PIGY: variants seen among roughly 807,000 people sequenced by gnomAD.
PIGY encodes the protein phosphatidylinositol N-acetylglucosaminyltransferase subunit Y.
A neutral mutation model predicts 4.1 loss-of-function variants in PIGY; 3 were observed. The observed-to-expected ratio is 0.73, with a 90% CI of 0.33 to 1.89. PIGY has a LOEUF of 1.89. Among genes scored for constraint, PIGY ranks in the 40% most tolerant of loss-of-function variants. The pLI is 0.08. For missense variants in PIGY, 78 were observed against 80.3 expected, an observed-to-expected ratio of 0.97 and a Z score of 0.11; for synonymous variants, 33 against 31.4, an observed-to-expected ratio of 1.05 and a Z score of -0.18.
rs1742474530 is a variant in PIGY, at chr4:88,523,721, G to C, written c.-464C>G. On this transcript the variant is annotated 5_prime_UTR_variant, in exon 1 of 2. Transcript: ENST00000527353. ...AGCATGGTCTGGCAGCCGGAGACCA[G>C]GCCTCACCGCAGCCTCGCCACCCGT... is the stretch of plus-strand genomic sequence containing the variant. 1 of 1,429,288 alleles carries C rather than the reference G, an allele frequency of 7.0e-7. No individual in the cohort carries two copies. The highest frequency in any genetic ancestry group is 2.9e-5 in the Admixed American group (1 of 34,870). The allele number at this position is 1,429,288 out of a possible 1,614,324, so 88.5% of individuals were successfully genotyped here.
Position 88,523,550 on chromosome 4 carries a change from C to A in PIGY, c.-293G>T. 5 of 1,551,120 alleles carry A rather than the reference C, an allele frequency of 3.2e-6. No homozygotes were observed. The highest frequency in any genetic ancestry group is 4.4e-6 in the Non-Finnish European group (5 of 1,146,876). ...ACCAGGAACTCCAGCAGCGCCGGAT[C>A]GAAGTCGCGGGGCGGCTCCTCAGTC... On this transcript the variant is annotated 5_prime_UTR_variant, in exon 1 of 2. Coordinates refer to ENST00000527353, the MANE Select transcript of PIGY (RefSeq NM_001042616.3).
At chr4:88,523,361 G>A (rs376458664) in intron 1 of PIGY, 137 bp downstream of exon 1, 5 of 909,702 alleles carry the variant, frequency 5.5e-6, no homozygotes, top group Non-Finnish European at 8.4e-6. Flanking sequence ...CGCCCGGCGA[G>A]GACAGAGTCC....
In PIGY at chr4:88,523,586, G is replaced by C. The variant is rs3210572; in HGVS notation, c.-329C>G. On this transcript the variant is annotated 5_prime_UTR_variant, in exon 1 of 2. Transcript: ENST00000527353. The stretch of plus-strand genomic sequence containing the variant: ...GGCGGCTCCTCAGTCTTCTTGCCCC[G>C]GTCGGCCAAAGGCCGCGACCCCGAC... The C allele has an allele frequency of 1.4e-3, 2,120 of 1,549,978 alleles. 1 individual carries two copies. Among genetic ancestry groups the C allele is most frequent in the Non-Finnish European group, 1.7e-3 (1,979 of 1,146,806 alleles).
At chr4:88,523,435 G>T in intron 1 of PIGY, 63 bp downstream of exon 1, 1 of 1,521,720 alleles carries the variant, frequency 6.6e-7, no homozygotes, top group Non-Finnish European at 8.9e-7. Context: ...AGAGGCCGCG[G>T]TCCACCGCTC....
Position 88,521,267 on chromosome 4 carries a change from A to G in PIGY, c.*307T>C. 3.7e-6 allele frequency: 1 copy of G among 267,694 alleles called. No homozygotes were observed. Among genetic ancestry groups the G allele is most frequent in the East Asian group, 7.2e-5 (1 of 13,794 alleles). 16.6% of individuals were successfully genotyped at this position (267,694 alleles called of 1,614,324 possible). A position where few individuals can be genotyped will look rare whatever the true frequency, so the allele number is the denominator to read the frequency against. Reference sequence around the variant, plus strand: ...AACAAACAAGCAAAACAAAATTTCAATGACTCTTAGATGAATGGAATAAGA... The same window carrying G: ...AACAAACAAGCAAAACAAAATTTCAGTGACTCTTAGATGAATGGAATAAGA... On this transcript the variant is annotated 3_prime_UTR_variant, in exon 2 of 2. Transcript: ENST00000527353.
chr4:88,523,685 G>A lies in PIGY; in HGVS notation c.-428C>T. On this transcript the variant is annotated 5_prime_UTR_variant, in exon 1 of 2. It adds an upstream start codon to the 5' untranslated region. Coordinates refer to ENST00000527353, the MANE Select transcript of PIGY (RefSeq NM_001042616.3). ...CGCAGCGCTGAGGCGAGCCTGCAGC[G>A]TGCTCCACTCAGCATGGTCTGGCAG... The A allele has an allele frequency of 6.6e-7, 1 of 1,509,794 alleles. No individual in the cohort carries two copies. The allele number at this position is 1,509,794 out of a possible 1,614,324, so 93.5% of individuals were successfully genotyped here. A position where few individuals can be genotyped will look rare whatever the true frequency, so the allele number is the denominator to read the frequency against.
At chr4:88,523,404 T>C in intron 1 of PIGY, 94 bp downstream of exon 1, 1 of 1,322,742 alleles carries the variant, frequency 7.6e-7, no homozygotes, top group South Asian at 1.3e-5. Context: ...CTGACCGACC[T>C]ACAAGGCCCC....
At position 88,521,680 on chromosome 4, in the gene PIGY, G is replaced by C. The variant is rs765959502; in HGVS notation, c.110C>G (p.Thr37Arg). ...CAGGCTGTAAAAGCAAAGGCTGGCT[G>C]TGCTAGTGCAGCCCTGTGGGAAGTT... ...EENFPQGCTS[T>R]ASLCFYSLLL... The change falls in exon 2 of 2, where the codon ACA (threonine) becomes AGA (arginine). Residue 37 changes from threonine to arginine, a missense_variant. Transcript: ENST00000527353. The C allele has an allele frequency of 6.2e-7, 1 of 1,613,928 alleles. No homozygotes were observed.
At position 88,523,753 on chromosome 4, in the gene PIGY, G is replaced by C. The variant is rs1317244511; in HGVS notation, c.-496C>G. 2.2e-6 allele frequency: 3 copies of C among 1,388,282 alleles called. No homozygotes were observed. The highest frequency in any genetic ancestry group is 1.5e-5 in the African/African-American group (1 of 65,244). The allele number at this position is 1,388,282 out of a possible 1,614,324, so 86.0% of individuals were successfully genotyped here. On this transcript the variant is annotated 5_prime_UTR_variant, in exon 1 of 2. Coordinates refer to ENST00000527353, the MANE Select transcript of PIGY (RefSeq NM_001042616.3). The stretch of plus-strand genomic sequence containing the variant: ...CCGCAGCCTCGCCACCCGTGGCCGA[G>C]CTCCCGGCTTCCCGTTCGTCCAGGC...
chr4:88,523,063 C>T (rs1436680065), intron 1 of PIGY, among the ~76,000 whole-genome samples: 1 of 151,370 alleles, frequency 6.6e-6, no homozygotes, highest in Non-Finnish European at 1.5e-5. Flanking sequence ...GGCGGGAGTT[C>T]TAGGCCAGTC....
Position 88,521,212 on chromosome 4 carries a change from C to T in PIGY, c.*362G>A. 1 of 205,926 alleles carries T rather than the reference C, an allele frequency of 4.9e-6. No homozygotes were observed. The highest frequency in any genetic ancestry group is 1.0e-5 in the Non-Finnish European group (1 of 100,446). The allele number at this position is 205,926 out of a possible 1,614,324, so 12.8% of individuals were successfully genotyped here. ...TTGGAATTATTTCAGTCATCCTTAA[C>T]ATGTGACTTTACCAAAGACCTTGAA... On this transcript the variant is annotated 3_prime_UTR_variant, in exon 2 of 2. Transcript: ENST00000527353.
At position 88,521,667 on chromosome 4, in the gene PIGY, G is replaced by A; in HGVS notation, c.123C>T (p.Cys41=). 1.9e-6 allele frequency: 3 copies of A among 1,613,964 alleles called. No individual in the cohort carries two copies. The highest frequency in any genetic ancestry group is 1.7e-6 in the Non-Finnish European group (2 of 1,179,854). The stretch of plus-strand genomic sequence containing the variant: ...TAATAGGCAAGAGCAGGCTGTAAAA[G>A]CAAAGGCTGGCTGTGCTAGTGCAGC... ...PQGCTSTASL[C]FYSLLLPITI... is the part of the protein sequence containing the mutation. The change falls in exon 2 of 2, where the codon TGC becomes TGT. Residue 41 remains cysteine, a synonymous_variant. Coordinates refer to ENST00000527353, the MANE Select transcript of PIGY (RefSeq NM_001042616.3).
At position 88,523,678 on chromosome 4, in the gene PIGY, C is replaced by T; in HGVS notation, c.-421G>A. On this transcript the variant is annotated 5_prime_UTR_variant, in exon 1 of 2. Coordinates refer to ENST00000527353, the MANE Select transcript of PIGY (RefSeq NM_001042616.3). ...CGTTCCCCGCAGCGCTGAGGCGAGC[C>T]TGCAGCGTGCTCCACTCAGCATGGT... The T allele has an allele frequency of 1.3e-6, 2 of 1,516,182 alleles. No individual in the cohort carries two copies. The highest frequency in any genetic ancestry group is 1.8e-6 in the Non-Finnish European group (2 of 1,137,448). The allele number at this position is 1,516,182 out of a possible 1,614,324, so 93.9% of individuals were successfully genotyped here.
In PIGY at chr4:88,521,813, C is replaced by T; in HGVS notation, c.-24G>A. ...ATTCTTCTCTTCCACTTATTACCTG[C>T]CACTGTGTTTTAAAAGGTATATGGT... On this transcript the variant is annotated 5_prime_UTR_variant, in exon 2 of 2. Coordinates refer to ENST00000527353, the MANE Select transcript of PIGY (RefSeq NM_001042616.3). The T allele has an allele frequency of 6.3e-7, 1 of 1,599,476 alleles. No homozygotes were observed. The highest frequency in any genetic ancestry group is 1.1e-5 in the South Asian group (1 of 88,996).
chr4:88,523,475 A>C, intron 1 of PIGY, 23 bp downstream of exon 1: 7 of 1,550,674 alleles, frequency 4.5e-6, no homozygotes, highest in Non-Finnish European at 6.1e-6. Flanking sequence ...GCTGCAAAGG[A>C]AGGGCCAAGG....
At chr4:88,523,378 TG>T in intron 1 of PIGY, 119 bp downstream of exon 1, 1 of 1,037,046 alleles carries the variant, frequency 9.6e-7, no homozygotes, top group Non-Finnish European at 1.4e-6. Flanking sequence ...GTCCAGAATG[TG>T]GCAGCGGAGA....
In PIGY at chr4:88,521,221, T is replaced by TTG; in HGVS notation, c.*352_*353insCA. 1 of 212,446 alleles carries TTG rather than the reference T, an allele frequency of 4.7e-6. No homozygotes were observed. Among genetic ancestry groups the TTG allele is most frequent in the Non-Finnish European group, 9.6e-6 (1 of 104,534 alleles). 13.2% of individuals were successfully genotyped at this position (212,446 alleles called of 1,614,324 possible). A position where few individuals can be genotyped will look rare whatever the true frequency, so the allele number is the denominator to read the frequency against. On this transcript the variant is annotated 3_prime_UTR_variant, in exon 2 of 2. Coordinates refer to ENST00000527353, the MANE Select transcript of PIGY (RefSeq NM_001042616.3). Reference sequence around the variant, plus strand: ...TTTCAGTCATCCTTAACATGTGACTTTACCAAAGACCTTGAAGCTAAACAA... The same window carrying TTG: ...TTTCAGTCATCCTTAACATGTGACTTTGTACCAAAGACCTTGAAGCTAAACAA...
Position 88,521,748 on chromosome 4 carries a change from C to A in PIGY, c.42G>T (p.Leu14=). ...SLPTLTVLIP[L]VSLAGLFYSA... ...AGTAGAACAGTCCTGCTAAAGAAAC[C>A]AGTGGAATAAGAACAGTCAACGTAG... Residue 14 remains leucine, a synonymous_variant, in exon 2 of 2, where the codon CTG becomes CTT. Transcript: ENST00000527353. The A allele has an allele frequency of 6.2e-7, 1 of 1,613,704 alleles. No individual in the cohort carries two copies. The highest frequency in any genetic ancestry group is 8.5e-7 in the Non-Finnish European group (1 of 1,179,804).
rs369508492 is a variant in PIGY, at chr4:88,521,652, G to A, written c.138C>T (p.Leu46=). The change falls in exon 2 of 2, where the codon CTC becomes CTT. Residue 46 remains leucine (L), a synonymous_variant. Coordinates refer to ENST00000527353, the MANE Select transcript of PIGY (RefSeq NM_001042616.3). Reference sequence around the variant, plus strand: ...CATACACTGGTATGGTAATAGGCAAGAGCAGGCTGTAAAAGCAAAGGCTGG... The same window carrying A: ...CATACACTGGTATGGTAATAGGCAAAAGCAGGCTGTAAAAGCAAAGGCTGG... ...STASLCFYSL[L]LPITIPVYVF... is the part of the protein sequence containing the mutation. 3.7e-6 allele frequency: 6 copies of A among 1,614,030 alleles called. No homozygotes were observed. Among genetic ancestry groups the A allele is most frequent in the Non-Finnish European group, 5.1e-6 (6 of 1,179,872 alleles).
Sources: gnomAD v4.1 joint callset for allele counts (sites outside exome capture counted in the v4.1 genomes callset) on GRCh38, gnomAD v4.1.1 for gene constraint, MANE v1.5 for transcripts, NCBI Gene and HGNC (gene_info 2026-07-23, HGNC 2026-07-21) for gene names.